The following NVL variants were observed in gnomAD, a reference collection of about 807,000 sequenced individuals.
NVL encodes nuclear valosin-containing protein-like.
In NVL, 84 loss-of-function variants were observed where a neutral mutation model predicts 110.2. The observed-to-expected ratio is 0.76, with a 90% CI of 0.64 to 0.91. NVL has a LOEUF of 0.91. NVL is among the 40% of genes least tolerant of loss of function. NVL has a pLI of 0.00. For missense variants in NVL, 882 were observed against 1,035.9 expected, an observed-to-expected ratio of 0.85 and a Z score of 2.04; for synonymous variants, 354 against 361.1, an observed-to-expected ratio of 0.98 and a Z score of 0.22.
intron 9 of NVL, chr1:224,302,906 G>A: frequency 3.1e-6 from 1 of 319,300 alleles, no homozygotes; most frequent in Non-Finnish European, 6.1e-6. Context: ...AACATAAGCT[G>A]GGCGTGGTGG....
rs1669572213 is a variant in NVL at position 224,311,990 on chromosome 1, A to G, written c.285-133T>C. On this transcript the variant is annotated intron_variant, in intron 4 of 22. Coordinates refer to ENST00000281701, the MANE Select transcript of NVL (RefSeq NM_002533.4). ...AGAGTCCAAACTCTGGAATCAGAGA[A>G]ACTAGGATTCAAAATCCAACTTAAC... 4.6e-6 allele frequency: 3 copies of G among 656,656 alleles called. No individual in the cohort carries two copies. In the Admixed American group the frequency reaches 8.8e-5, roughly 19 times the overall value. The allele number at this position is 656,656 out of a possible 1,614,324, so 40.7% of individuals were successfully genotyped here.
chr1:224,286,402 C>T (rs1666875531), intron 14 of NVL, among the ~76,000 whole-genome samples: 1 of 152,030 alleles, frequency 6.6e-6, no homozygotes, highest in African/African-American at 2.4e-5. Context: ...GTCGGGGTTT[C>T]ACCATGTTGG....
chr1:224,306,463 T>C (rs1668927132), intron 6 of NVL, among the ~76,000 whole-genome samples: 1 of 152,166 alleles, frequency 6.6e-6, no homozygotes, highest in African/African-American at 2.4e-5. Flanking sequence ...AGACAGGGTT[T>C]CACTGTGTTA....
At chr1:224,313,760 T>C (rs1446433283) in intron 4 of NVL, among the ~76,000 whole-genome samples, 1 of 152,214 alleles carries the variant, frequency 6.6e-6, no homozygotes. Context: ...CCCAGCACTT[T>C]GGGAGGCCAA....
At chr1:224,274,035 A>AACACACACACACACACACACAC (rs1224878158) in intron 17 of NVL, among the ~76,000 whole-genome samples, 208 of 145,646 alleles carry the variant, frequency 1.4e-3, no homozygotes, top group Middle Eastern at 3.4e-3. Context: ...ATGACCTAAC[A>AACACACACACACACACACACAC]ACACACACAC....
intron 22 of NVL, 44 bp from the exon 23 acceptor site, chr1:224,227,714 G>T (rs767656898): frequency 1.3e-6 from 2 of 1,583,356 alleles, no homozygotes; most frequent in Non-Finnish European, 1.7e-6. Flanking sequence ...GTCACTGCTT[G>T]TTTTGGGCTG....
At chr1:224,287,720 T>A in intron 14 of NVL, 55 bp downstream of exon 14, 1 of 1,458,690 alleles carries the variant, frequency 6.9e-7, no homozygotes, top group Non-Finnish European at 9.6e-7. Flanking sequence ...TGGAGCTTTA[T>A]CTCTGGTCTT....
chr1:224,230,093 A>G (rs776288367), intron 22 of NVL, among the ~76,000 whole-genome samples: 7 of 152,152 alleles, frequency 4.6e-5, no homozygotes, highest in Admixed American at 3.3e-4. Context: ...CTGCCTCCTG[A>G]GTAGCTGAGA....
intron 5 of NVL, among the ~76,000 whole-genome samples, chr1:224,309,666 G>A (rs1410080875): frequency 6.6e-6 from 1 of 152,128 alleles, no homozygotes; most frequent in Non-Finnish European, 1.5e-5. Flanking sequence ...AACCTCAATG[G>A]AAAATATTTG....
Position 224,294,421 on chromosome 1 carries a change from GAC to G in NVL, c.1181-12_1181-11del, listed in dbSNP as rs771742353. ...GCCACATTATTCAGATCTAGTAAGAGACAGAGAAAGAGTAGTGAACAAAGCAC... is the reference window on the plus strand; with the variant it reads ...GCCACATTATTCAGATCTAGTAAGAGAGAGAAAGAGTAGTGAACAAAGCAC... On this transcript the variant is annotated splice_polypyrimidine_tract_variant and intron_variant, in intron 11 of 22. Coordinates refer to ENST00000281701, the MANE Select transcript of NVL (RefSeq NM_002533.4). The G allele has an allele frequency of 9.1e-5, 147 of 1,613,484 alleles. No individual in the cohort carries two copies. Among genetic ancestry groups the G allele is most frequent in the Non-Finnish European group, 1.2e-4 (138 of 1,179,852 alleles).
intron 9 of NVL, among the ~76,000 whole-genome samples, chr1:224,302,142 C>T (rs1668479877): frequency 6.6e-6 from 1 of 152,064 alleles, no homozygotes; most frequent in African/African-American, 2.4e-5. Context: ...TCCCCCTTTA[C>T]AAATGATTTT....
chr1:224,243,540 A>G (rs1661448630), intron 19 of NVL, among the ~76,000 whole-genome samples: 1 of 152,136 alleles, frequency 6.6e-6, no homozygotes, highest in African/African-American at 2.4e-5. Context: ...TGTAAGACAT[A>G]CACTTCAAAG....
intron 19 of NVL, among the ~76,000 whole-genome samples, chr1:224,237,677 C>T (rs2102710357): frequency 6.6e-6 from 1 of 152,100 alleles, no homozygotes; most frequent in African/African-American, 2.4e-5. Flanking sequence ...ACAAGAGATC[C>T]TTCTACCTCA....
At chr1:224,306,694 T>C (rs1241421943) in intron 6 of NVL, among the ~76,000 whole-genome samples, 1 of 151,986 alleles carries the variant, frequency 6.6e-6, no homozygotes, top group Non-Finnish European at 1.5e-5. Flanking sequence ...TAGCCAGGTG[T>C]GGTGGTGGGC....
At chr1:224,247,125 T>G (rs1206695085) in intron 19 of NVL, among the ~76,000 whole-genome samples, 1 of 151,842 alleles carries the variant, frequency 6.6e-6, no homozygotes, top group African/African-American at 2.4e-5. Context: ...ATCATCAAGC[T>G]TGTTTGATGC....
intron 22 of NVL, 82 bp downstream of exon 22, chr1:224,231,144 A>AAAAGAGTT: frequency 1.0e-6 from 1 of 995,944 alleles, no homozygotes; most frequent in South Asian, 1.3e-5. Flanking sequence ...AAAAAAAAAA[A>AAAAGAGTT]AAAGAGTTTA....
chr1:224,328,555 G>A (rs1359967984), intron 1 of NVL, among the ~76,000 whole-genome samples: 1 of 152,054 alleles, frequency 6.6e-6, no homozygotes, highest in East Asian at 1.9e-4. Context: ...TCAGTTAGGA[G>A]GCTATTGTAA....
intron 9 of NVL, among the ~76,000 whole-genome samples, chr1:224,301,369 T>A (rs1260341270): frequency 1.3e-5 from 2 of 152,028 alleles, no homozygotes; most frequent in Non-Finnish European, 2.9e-5. Flanking sequence ...CCTCCCAAAG[T>A]GCTGGGGATA....
intron 9 of NVL, chr1:224,301,819 AAAGAG>A (rs1445164872): frequency 1.7e-5 from 3 of 171,830 alleles, no homozygotes; most frequent in African/African-American, 7.3e-5. Context: ...AAAAAAAAAA[AAAGAG>A]AGAAGAGAGA....
Sources: allele counts gnomAD v4.1 joint callset (sites outside exome capture counted in the v4.1 genomes callset), GRCh38; gene constraint gnomAD v4.1.1; transcripts MANE v1.5; gene names NCBI Gene and HGNC (gene_info 2026-07-23, HGNC 2026-07-21).